THAP3: variants seen among roughly 807,000 people sequenced by gnomAD.
THAP3 encodes THAP domain containing 3.
A neutral mutation model predicts 17.7 loss-of-function variants in THAP3; 12 were observed. That is an observed-to-expected ratio of 0.68 (90% CI 0.43 to 1.10). THAP3 has a LOEUF of 1.10. Ranked by LOEUF, THAP3 falls within the 50% of genes least tolerant of loss-of-function variation. The pLI, the probability that THAP3 is intolerant of heterozygous loss-of-function variation, is 0.00. For missense variants in THAP3, 289 were observed against 318.0 expected, an observed-to-expected ratio of 0.91 and a Z score of 0.69; for synonymous variants, 133 against 126.9, an observed-to-expected ratio of 1.05 and a Z score of -0.32.
At chr1:6,632,759 G>T (rs754285083) in intron 5 of THAP3, 37 bp from the exon 6 acceptor site, 11 of 1,609,574 alleles carry the variant, frequency 6.8e-6, no homozygotes, top group African/African-American at 1.3e-5. Flanking sequence ...CTTCCTGCTG[G>T]TGATGCAGCT....
At position 6,633,220 on chromosome 1, in the gene THAP3, C is replaced by T; in HGVS notation, c.*143C>T. On this transcript the variant is annotated 3_prime_UTR_variant, in exon 6 of 6. Coordinates refer to ENST00000054650, the MANE Select transcript of THAP3 (RefSeq NM_001195753.2). ...GCTTGGCCGGGGATCGAGACAGTAG[C>T]CAAGCTCCCCGGCGAGAGCCCCAAT... The T allele has an allele frequency of 6.9e-7, 1 of 1,448,428 alleles. No homozygotes were observed. Among genetic ancestry groups the T allele is most frequent in the Non-Finnish European group, 9.0e-7 (1 of 1,107,154 alleles). 89.7% of individuals were successfully genotyped at this position (1,448,428 alleles called of 1,614,324 possible).
Position 6,633,231 on chromosome 1 carries a change from G to C in THAP3, c.*154G>C. ...GATCGAGACAGTAGCCAAGCTCCCC[G>C]GCGAGAGCCCCAATGCCGTCTGGGG... On this transcript the variant is annotated 3_prime_UTR_variant, in exon 6 of 6. Coordinates refer to ENST00000054650, the MANE Select transcript of THAP3 (RefSeq NM_001195753.2). The C allele has an allele frequency of 6.9e-7, 1 of 1,445,048 alleles. No individual in the cohort carries two copies. The highest frequency in any genetic ancestry group is 9.0e-7 in the Non-Finnish European group (1 of 1,106,182). The allele number at this position is 1,445,048 out of a possible 1,614,324, so 89.5% of individuals were successfully genotyped here.
At chr1:6,629,628 TCTC>T (rs1168160524) in intron 3 of THAP3, 1 of 152,624 alleles carries the variant, frequency 6.6e-6, no homozygotes, top group Non-Finnish European at 1.5e-5. Flanking sequence ...GGTTTTGTCT[TCTC>T]CCCTGGAACA....
At chr1:6,626,153 TA>T (rs1008403893) in intron 2 of THAP3, among the ~76,000 whole-genome samples, 4 of 151,494 alleles carry the variant, frequency 2.6e-5, no homozygotes, top group African/African-American at 9.7e-5. Flanking sequence ...ACAAATAATT[TA>T]AAAAAATTAG....
At chr1:6,627,281 G>C (rs999100055) in intron 2 of THAP3, among the ~76,000 whole-genome samples, 4 of 152,188 alleles carry the variant, frequency 2.6e-5, no homozygotes, top group African/African-American at 9.7e-5. Context: ...CCGCCACACT[G>C]ACATCTCCAG....
Position 6,632,467 on chromosome 1 carries a change from C to G in THAP3, c.410C>G (p.Pro137Arg). 1 of 1,614,156 alleles carries G rather than the reference C, an allele frequency of 6.2e-7. No individual in the cohort carries two copies. Among genetic ancestry groups the G allele is most frequent in the South Asian group, 1.1e-5 (1 of 91,088 alleles). ...MDTALEELQLPPNAEGHVKQV... is the reference protein window; with the variant it reads ...MDTALEELQLRPNAEGHVKQV... ...ACTGCACTTGAAGAGCTTCAGTTGC[C>G]CCCAAATGCCGAAGGCCACGTAAAA... is the stretch of plus-strand genomic sequence containing the variant. Residue 137 changes from proline to arginine, a missense_variant, in exon 5 of 6, where the codon CCC (proline) becomes CGC (arginine). Pro to Arg is a moderately radical substitution (Grantham distance 103, BLOSUM62 -2). Transcript: ENST00000054650.
rs762690247 is a variant in THAP3, at chr1:6,625,198, G to T, written c.-21G>T. On this transcript the variant is annotated 5_prime_UTR_variant, in exon 2 of 6. Coordinates refer to ENST00000054650, the MANE Select transcript of THAP3 (RefSeq NM_001195753.2). ...CGCCGCCGCCGCCATCTTTGTTGGG[G>T]GCAGCCAGGCCTGGCTCGAGATGCC... The T allele has an allele frequency of 6.5e-7, 1 of 1,536,666 alleles. No individual in the cohort carries two copies. The highest frequency in any genetic ancestry group is 1.2e-5 in the South Asian group (1 of 83,308).
downstream of THAP3, chr1:6,634,189 T>C (rs543786044): frequency 2.4e-4 from 277 of 1,137,220 alleles, no homozygotes; most frequent in African/African-American, 3.7e-3. Context: ...GAAAGGTTTA[T>C]TGTGGTGAGT....
At position 6,626,578 on chromosome 1, in the gene THAP3, C is replaced by T. The variant is rs1641475736; in HGVS notation, c.74+1286C>T. On this transcript the variant is annotated intron_variant, in intron 2 of 5. Transcript: ENST00000054650. The stretch of plus-strand genomic sequence containing the variant: ...GGAGGCTGGGCGTGGTGGCTCACGC[C>T]TGTAATCCCAGCACTTTGGGAGGCC... Among the ~76,000 whole-genome samples the T allele has an allele frequency of 2.0e-5, 3 of 152,232 alleles. No individual in the cohort carries two copies. The South Asian group carries it at 6.2e-4, about 31-fold the overall frequency.
chr1:6,634,115 G>C (rs1404573800), downstream of THAP3: 1 of 1,601,594 alleles, frequency 6.2e-7, no homozygotes. Flanking sequence ...CTCTGGGGAA[G>C]GGGTTCCCTC....
intron 5 of THAP3, 76 bp downstream of exon 5, chr1:6,632,571 AC>A (rs1313533745): frequency 6.3e-7 from 1 of 1,592,426 alleles, no homozygotes; most frequent in South Asian, 1.1e-5. Flanking sequence ...ACCAGTGAGC[AC>A]CCACCATGAG....
At chr1:6,635,544 A>ATAAT (rs1224054628), downstream of THAP3, 22 of 1,032,356 alleles carry the variant, frequency 2.1e-5, no homozygotes, top group Non-Finnish European at 2.8e-5. Flanking sequence ...CACATAATTG[A>ATAAT]TAATGGTACC....
At chr1:6,632,046 C>CAAAA (rs35349874) in intron 4 of THAP3, among the ~76,000 whole-genome samples, 1 of 111,394 alleles carries the variant, frequency 9.0e-6, no homozygotes, top group Non-Finnish European at 1.8e-5. Context: ...GATTCCGTCT[C>CAAAA]AAAAAAAAAA....
chr1:6,630,503 C>A (rs1308653302), intron 4 of THAP3, 150 bp downstream of exon 4: 2 of 702,364 alleles, frequency 2.8e-6, no homozygotes. Context: ...AGGGAAGGCC[C>A]AAGCCTCTCA....
intron 1 of THAP3, 21 bp from the exon 2 acceptor site, chr1:6,625,129 C>A: frequency 7.2e-7 from 1 of 1,387,124 alleles, no homozygotes; most frequent in South Asian, 1.3e-5. Flanking sequence ...CACCTCCCAG[C>A]GGCCCCGCCC....
intron 2 of THAP3, among the ~76,000 whole-genome samples, chr1:6,627,013 A>C (rs1480869611): frequency 1.3e-5 from 2 of 152,192 alleles, no homozygotes; most frequent in Non-Finnish European, 2.9e-5. Flanking sequence ...TCACATCACT[A>C]GTGAGCCTTG....
downstream of THAP3, chr1:6,634,914 G>C (rs1170037335): frequency 8.5e-7 from 1 of 1,171,268 alleles, no homozygotes; most frequent in Admixed American, 3.6e-5. Context: ...GGTGGGTGGT[G>C]CAGGCGGTGG....
At chr1:6,625,101 G>A (rs1252766968) in intron 1 of THAP3, 49 bp from the exon 2 acceptor site, 3 of 1,184,842 alleles carry the variant, frequency 2.5e-6, no homozygotes, top group Non-Finnish European at 3.5e-6. Flanking sequence ...CGCCCTGGAG[G>A]CGAGCCAGGC....
chr1:6,632,986 G>A lies in THAP3; in HGVS notation c.629G>A (p.Arg210Lys), dbSNP rs1211314845. 2.5e-6 allele frequency: 4 copies of A among 1,612,796 alleles called. No homozygotes were observed. Among genetic ancestry groups the A allele is most frequent in the Admixed American group, 1.7e-5 (1 of 59,996 alleles). Reference protein sequence around the residue: ...EKLRKRLQAQRLVMRRMSSRL... With the variant: ...EKLRKRLQAQKLVMRRMSSRL... ...CTCCGGAAGCGCTTGCAGGCCCAGA[G>A]GCTGGTGATGCGAAGGATGTCCAGC... The change falls in exon 6 of 6, where the codon AGG (arginine) becomes AAG (lysine). Residue 210 changes from arginine to lysine, a missense_variant. Arg to Lys is a conservative substitution (Grantham distance 26). Coordinates refer to ENST00000054650, the MANE Select transcript of THAP3 (RefSeq NM_001195753.2).
Sources: allele counts gnomAD v4.1 joint callset (sites outside exome capture counted in the v4.1 genomes callset), GRCh38; gene constraint gnomAD v4.1.1; transcripts MANE v1.5; gene names NCBI Gene and HGNC (gene_info 2026-07-23, HGNC 2026-07-21).